Variants in ZNF577 observed in about 807,000 individuals in gnomAD.
ZNF577 encodes the protein zinc finger protein 577.
In ZNF577, 14 loss-of-function variants were observed where a neutral mutation model predicts 13.9. The ratio of observed to expected loss-of-function variants is 1.00; its 90% CI spans 0.66 to 1.57. The LOEUF is 1.57. Ranked by LOEUF, ZNF577 falls within the 40% of genes most tolerant of loss-of-function variation. The pLI is 0.00. For synonymous variants in ZNF577, 203 were observed against 202.9 expected, an observed-to-expected ratio of 1.00 and a Z score of 0.00; for missense variants, 555 against 579.2, an observed-to-expected ratio of 0.96 and a Z score of 0.43.
rs767419260 is a variant in ZNF577, at chr19:51,873,567, A to G, written c.423T>C (p.Pro141=). 6.2e-7 allele frequency: 1 copy of G among 1,614,186 alleles called. No homozygotes were observed. Among genetic ancestry groups the G allele is most frequent in the Non-Finnish European group, 8.5e-7 (1 of 1,180,038 alleles). The stretch of plus-strand genomic sequence containing the variant: ...TTTGTAGGTCATTGAGCTGTGATTT[A>G]GGGCTGCTGGGTTTAACACATCTAT... ...KYHRCVKPSS[P]KSQLNDLQKI... The change falls in exon 6 of 6, where the codon CCT becomes CCC. Residue 141 remains proline (P), a synonymous_variant. Coordinates refer to ENST00000638348, the MANE Select transcript of ZNF577 (RefSeq NM_001370449.1).
At chr19:51,860,003 A>G (rs932307896) in intron 5 of ZNF577, among the ~76,000 whole-genome samples, 1 of 152,132 alleles carries the variant, frequency 6.6e-6, no homozygotes, top group African/African-American at 2.4e-5. Context: ...ATATTTGACA[A>G]TGAAATGTCT....
chr19:51,884,116 C>T (rs996651999), intron 1 of ZNF577, among the ~76,000 whole-genome samples: 11 of 152,086 alleles, frequency 7.2e-5, no homozygotes, highest in African/African-American at 2.6e-4. Context: ...CTTGGATACA[C>T]TGAAAATGGT....
chr19:51,851,618 C>T (rs1568440303), intron 5 of ZNF577, among the ~76,000 whole-genome samples: 1 of 152,224 alleles, frequency 6.6e-6, no homozygotes, highest in East Asian at 1.9e-4. Context: ...ACATTTGCTC[C>T]TGTTCACAAC....
In ZNF577 at chr19:51,829,180, G is replaced by A. The variant is rs893148164; in HGVS notation, c.*599+10713C>T. 2.0e-5 allele frequency among the ~76,000 whole-genome samples: 3 copies of A among 152,148 alleles called. No individual in the cohort carries two copies. In the East Asian group the frequency reaches 5.8e-4, roughly 29 times the overall value. On this transcript the variant is annotated intron_variant and NMD_transcript_variant, in intron 9 of 10. Transcript: ENST00000638827. Reference sequence around the variant, plus strand: ...ATGACAGATGAAAAATGCACTCTGAGACTGATATCCAGTGAAAAAGCAGGC... The same window carrying A: ...ATGACAGATGAAAAATGCACTCTGAAACTGATATCCAGTGAAAAAGCAGGC...
chr19:51,843,179 T>C (rs1027695200), intron 7 of ZNF577: 1 of 152,478 alleles, frequency 6.6e-6, no homozygotes, highest in African/African-American at 2.4e-5. Context: ...TTTAGGAAAG[T>C]TGTCTTTACC....
At chr19:51,884,122 A>G (rs1461308360) in intron 1 of ZNF577, among the ~76,000 whole-genome samples, 2 of 152,090 alleles carry the variant, frequency 1.3e-5, no homozygotes, top group African/African-American at 2.4e-5. Context: ...TACACTGAAA[A>G]TGGTCTAGGA....
chr19:51,880,497 C>T, intron 2 of ZNF577, 96 bp from the exon 3 acceptor site: 1 of 1,002,392 alleles, frequency 1.0e-6, no homozygotes. Flanking sequence ...CTTTCACAAA[C>T]CCCCTGATCC....
At chr19:51,866,850 C>T (rs1221945393), downstream of ZNF577, among the ~76,000 whole-genome samples, 2 of 151,976 alleles carry the variant, frequency 1.3e-5, no homozygotes, top group Admixed American at 6.6e-5. Context: ...GGCGTGGTGA[C>T]ACACACCTTA....
In ZNF577 at chr19:51,867,905, C is replaced by A. The variant is rs1389423625; in HGVS notation, c.*4627G>T. ...GAATTTCTAGTCCTCTACCCCCACC[C>A]CTAAATACAGATACAGAAAAAGGCA... On this transcript the variant is annotated 3_prime_UTR_variant, in exon 6 of 6. Transcript: ENST00000638348. 6.6e-6 allele frequency among the ~76,000 whole-genome samples: 1 copy of A among 152,182 alleles called. No individual in the cohort carries two copies. The highest frequency in any genetic ancestry group is 1.5e-5 in the Non-Finnish European group (1 of 68,028).
chr19:51,838,391 A>G (rs981859106), intron 9 of ZNF577, among the ~76,000 whole-genome samples: 11 of 151,782 alleles, frequency 7.2e-5, no homozygotes, highest in Non-Finnish European at 1.6e-4. Context: ...CATTACCTTT[A>G]TTAAGCAAAA....
chr19:51,857,396 A>AAGAAAGAAAGAAAG (rs2084441145), intron 5 of ZNF577, among the ~76,000 whole-genome samples: 1 of 123,066 alleles, frequency 8.1e-6, no homozygotes, highest in Non-Finnish European at 1.6e-5. Flanking sequence ...GAAAGAAAGA[A>AAGAAAGAAAGAAAG]AGAAAGAAAG....
chr19:51,849,427 T>C (rs1183641327), intron 5 of ZNF577, among the ~76,000 whole-genome samples: 1 of 152,212 alleles, frequency 6.6e-6, no homozygotes. Flanking sequence ...GTTTCGTTCA[T>C]GAGAATTCTA....
intron 6 of ZNF577, among the ~76,000 whole-genome samples, chr19:51,844,484 T>C (rs1187072015): frequency 6.6e-6 from 1 of 152,200 alleles, no homozygotes; most frequent in Non-Finnish European, 1.5e-5. Context: ...AAAATTCTCT[T>C]GTGATGGTTG....
intron 10 of ZNF577, chr19:51,811,437 T>G (rs916673240): frequency 1.3e-5 from 2 of 152,220 alleles, no homozygotes; most frequent in Admixed American, 6.5e-5. Context: ...AGTACTTCTT[T>G]AAGGAACTGA....
At chr19:51,830,135 TAAAA>T (rs11299540) in intron 9 of ZNF577, among the ~76,000 whole-genome samples, 15,578 of 145,792 alleles carry the variant, frequency 0.11, 1,112 homozygotes, top group Middle Eastern at 0.18. Flanking sequence ...TTCTAGTGTT[TAAAA>T]AAAAAAAAAA....
At chr19:51,849,588 C>T (rs2084369948) in intron 5 of ZNF577, among the ~76,000 whole-genome samples, 1 of 152,206 alleles carries the variant, frequency 6.6e-6, no homozygotes, top group Admixed American at 6.5e-5. Context: ...AACTACATTT[C>T]TGTTCTTCAT....
intron 5 of ZNF577, among the ~76,000 whole-genome samples, chr19:51,875,093 G>T (rs759563129): frequency 5.9e-5 from 9 of 152,094 alleles, no homozygotes; most frequent in Non-Finnish European, 1.0e-4. Flanking sequence ...GGGTGGCCAG[G>T]CGCAGTGCTT....
At chr19:51,817,507 A>G (rs1265798939) in intron 9 of ZNF577, among the ~76,000 whole-genome samples, 3 of 141,482 alleles carry the variant, frequency 2.1e-5, no homozygotes, top group Non-Finnish European at 3.1e-5. Flanking sequence ...ATGTCAGTCA[A>G]TCTGTTTTGT....
At position 51,814,956 on chromosome 19, in the gene ZNF577, C is replaced by A. The variant is rs1326584562; in HGVS notation, c.*600-3282G>T. Reference sequence around the variant, plus strand: ...TCCAAAGTAGCTGGGACTACAGCCGCCTGCCACCACGTCTGGCTAATTTTC... The same window carrying A: ...TCCAAAGTAGCTGGGACTACAGCCGACTGCCACCACGTCTGGCTAATTTTC... On this transcript the variant is annotated intron_variant and NMD_transcript_variant, in intron 9 of 10. Transcript: ENST00000638827. Among the ~76,000 whole-genome samples, 7 of 151,822 alleles carry A rather than the reference C, an allele frequency of 4.6e-5. No individual in the cohort carries two copies. The East Asian group carries it at 1.2e-3, about 25-fold the overall frequency.
Sources: gnomAD v4.1 joint callset for allele counts (sites outside exome capture counted in the v4.1 genomes callset) on GRCh38, gnomAD v4.1.1 for gene constraint, MANE v1.5 for transcripts, NCBI Gene and HGNC (gene_info 2026-07-23, HGNC 2026-07-21) for gene names.